Variants in POU1F1 observed in about 807,000 individuals in gnomAD.
The protein encoded by POU1F1 is pituitary-specific positive transcription factor 1.
Under a neutral mutation model 32.3 loss-of-function variants are expected in POU1F1, and 23 were observed. The observed-to-expected ratio is 0.71, with a 90% confidence interval of 0.51 to 1.01. The LOEUF is 1.01. Among genes scored for constraint, POU1F1 ranks in the 50% least tolerant of loss-of-function variants. POU1F1 has a pLI of 0.00. For missense variants in POU1F1, 323 were observed against 341.6 expected, an observed-to-expected ratio of 0.95 and a Z score of 0.43; for synonymous variants, 120 against 115.6, an observed-to-expected ratio of 1.04 and a Z score of -0.25.
chr3:87,270,940 T>C (rs1349292690), intron 2 of POU1F1, among the ~76,000 whole-genome samples: 1 of 152,094 alleles, frequency 6.6e-6, no homozygotes, highest in East Asian at 1.9e-4. Context: ...ATTTAAAGCA[T>C]ATCACATTTT....
At chr3:87,273,644 G>C in intron 1 of POU1F1, 1 of 735,982 alleles carries the variant, frequency 1.4e-6, no homozygotes, top group South Asian at 1.9e-5. Context: ...GGGGATCAAA[G>C]TTTGTCTCAT....
At chr3:87,262,849 A>G (rs549662708) in intron 3 of POU1F1, among the ~76,000 whole-genome samples, 1 of 152,134 alleles carries the variant, frequency 6.6e-6, no homozygotes, top group South Asian at 2.1e-4. Context: ...GTTTGTCGCA[A>G]ACATTTTTAG....
Position 87,259,970 on chromosome 3 carries a change from T to C in POU1F1, c.800A>G (p.Gln267Arg). 1 of 1,614,186 alleles carries C rather than the reference T, an allele frequency of 6.2e-7. No homozygotes were observed. The highest frequency in any genetic ancestry group is 8.5e-7 in the Non-Finnish European group (1 of 1,180,028). ...VVRVWFCNRR[Q>R]REKRVKTSLN... The stretch of plus-strand genomic sequence containing the variant: ...ACTTGTTTTCACCCGTTTTTCTCTC[T>C]GCCTCCGGTTGCAAAACCAAACTCT... Residue 267 changes from glutamine to arginine, a missense_variant, in exon 6 of 6, where the codon CAG becomes CGG. Coordinates refer to ENST00000350375, the MANE Select transcript of POU1F1 (RefSeq NM_000306.4).
chr3:87,272,323 C>T (rs1045117253), intron 2 of POU1F1, among the ~76,000 whole-genome samples: 9 of 151,958 alleles, frequency 5.9e-5, no homozygotes, highest in African/African-American at 2.2e-4. Context: ...TATTATTATA[C>T]TTTAAGTTTT....
At chr3:87,273,511 T>C in intron 1 of POU1F1, 93 bp from the exon 2 acceptor site, 1 of 1,576,652 alleles carries the variant, frequency 6.3e-7, no homozygotes, top group South Asian at 1.2e-5. Flanking sequence ...TAAGAAAATG[T>C]ATAAGGATTC....
chr3:87,269,229 C>T (rs1011773431), intron 2 of POU1F1, among the ~76,000 whole-genome samples: 1 of 152,138 alleles, frequency 6.6e-6, no homozygotes, highest in African/African-American at 2.4e-5. Flanking sequence ...GGCCTATTGC[C>T]TGTGTTTGTA....
intron 2 of POU1F1, among the ~76,000 whole-genome samples, chr3:87,272,320 A>T (rs1373882846): frequency 6.6e-6 from 1 of 152,132 alleles, no homozygotes; most frequent in African/African-American, 2.4e-5. Flanking sequence ...TATTATTATT[A>T]TACTTTAAGT....
intron 2 of POU1F1, among the ~76,000 whole-genome samples, chr3:87,273,055 G>A (rs192756454): frequency 1.5e-4 from 23 of 152,132 alleles, no homozygotes; most frequent in Admixed American, 1.2e-3. Flanking sequence ...CCTACCAATA[G>A]CATCATGTTA....
chr3:87,259,951 T>G lies in POU1F1; in HGVS notation c.819A>C (p.Lys273Asn), dbSNP rs377383513. The change falls in exon 6 of 6, where the codon AAA (lysine) becomes AAC (asparagine). Residue 273 changes from lysine (K) to asparagine (N), a missense_variant. Transcript: ENST00000350375. ...AAAATAAACTCTGATTCAGACTTGT[T>G]TTCACCCGTTTTTCTCTCTGCCTCC... ...CNRRQREKRV[K>N]TSLNQSLFSI... 11 of 1,614,112 alleles carry G rather than the reference T, an allele frequency of 6.8e-6. No individual in the cohort carries two copies. The highest frequency in any genetic ancestry group is 9.3e-6 in the Non-Finnish European group (11 of 1,180,000).
At chr3:87,266,723 C>T (rs1459823472) in intron 2 of POU1F1, among the ~76,000 whole-genome samples, 1 of 151,630 alleles carries the variant, frequency 6.6e-6, no homozygotes, top group African/African-American at 2.4e-5. Context: ...TATTTATTGC[C>T]GTGGGGTTTA....
At chr3:87,275,699 G>A (rs531208488) in intron 1 of POU1F1, among the ~76,000 whole-genome samples, 4 of 152,202 alleles carry the variant, frequency 2.6e-5, no homozygotes, top group African/African-American at 9.6e-5. Context: ...TTAAAACTTA[G>A]AAGTGAAGTA....
Position 87,264,285 on chromosome 3 carries a change from T to A in POU1F1, c.439+3A>T. ...TTTCCTGTTGCCTTTAACAAGCACATACCTAATTTAATTCGTCTCACTTTA... is the reference window on the plus strand; with the variant it reads ...TTTCCTGTTGCCTTTAACAAGCACAAACCTAATTTAATTCGTCTCACTTTA... On this transcript the variant is annotated splice_donor_region_variant and intron_variant, in intron 3 of 5. Coordinates refer to ENST00000350375, the MANE Select transcript of POU1F1 (RefSeq NM_000306.4). The A allele has an allele frequency of 6.2e-7, 1 of 1,603,650 alleles. No individual in the cohort carries two copies.
chr3:87,272,583 G>T (rs1050973349), intron 2 of POU1F1, among the ~76,000 whole-genome samples: 4 of 152,036 alleles, frequency 2.6e-5, no homozygotes, highest in Non-Finnish European at 5.9e-5. Context: ...CCAGATCTAC[G>T]CATTCCTCAA....
intron 3 of POU1F1, among the ~76,000 whole-genome samples, chr3:87,263,529 T>C (rs1294451223): frequency 6.6e-6 from 1 of 152,134 alleles, no homozygotes; most frequent in African/African-American, 2.4e-5. Context: ...AGTAGTAAAA[T>C]TTGGTACAAC....
chr3:87,264,699 G>A (rs1204534277), intron 2 of POU1F1, among the ~76,000 whole-genome samples, 187 bp from the exon 3 acceptor site: 2 of 152,078 alleles, frequency 1.3e-5, no homozygotes, highest in East Asian at 3.9e-4. Context: ...GAGATTATTT[G>A]TCTTCTACCT....
At chr3:87,273,567 T>G (rs1189932665) in intron 1 of POU1F1, 149 bp from the exon 2 acceptor site, 11 of 1,385,782 alleles carry the variant, frequency 7.9e-6, no homozygotes, top group Non-Finnish European at 1.1e-5. Context: ...ATGTGGTTCT[T>G]AAAGTTACAT....
chr3:87,266,626 T>C (rs968240212), intron 2 of POU1F1, among the ~76,000 whole-genome samples: 3 of 151,714 alleles, frequency 2.0e-5, no homozygotes, highest in Non-Finnish European at 4.4e-5. Context: ...TTTTATGCTT[T>C]ATTGTGTGGC....
chr3:87,273,680 C>T (rs771382994), intron 1 of POU1F1, among the ~76,000 whole-genome samples: 1 of 152,092 alleles, frequency 6.6e-6, no homozygotes, highest in Non-Finnish European at 1.5e-5. Flanking sequence ...ATCATCAAAA[C>T]GGACTTCATT....
chr3:87,276,449 G>A lies in POU1F1; in HGVS notation c.14C>T (p.Ala5Val), dbSNP rs776954429. The change falls in exon 1 of 6, where the codon GCT (alanine) becomes GTT (valine). Residue 5 changes from alanine (A) to valine (V), a missense_variant. Transcript: ENST00000350375. The part of the protein sequence containing the change: MSCQ[A>V]FTSADTFIPL... ...TATAAAGGTATCAGCCGAAGTAAAA[G>A]CTTGGCAACTCATTCCCACAAGAGA... 1 of 1,613,766 alleles carries A rather than the reference G, an allele frequency of 6.2e-7. No individual in the cohort carries two copies. The highest frequency in any genetic ancestry group is 8.5e-7 in the Non-Finnish European group (1 of 1,179,858).
Sources: gnomAD v4.1 joint callset for allele counts (sites outside exome capture counted in the v4.1 genomes callset) on GRCh38, gnomAD v4.1.1 for gene constraint, MANE v1.5 for transcripts, NCBI Gene and HGNC (gene_info 2026-07-23, HGNC 2026-07-21) for gene names.